Variants in CCSER1 observed in about 807,000 individuals in gnomAD.
CCSER1 encodes the protein coiled-coil serine rich protein 1, also known as serine-rich coiled-coil domain-containing protein 1.
A neutral mutation model predicts 82.0 loss-of-function variants in CCSER1; 41 were observed. That is an observed-to-expected ratio of 0.50 (90% CI 0.39 to 0.65). The LOEUF (loss-of-function observed/expected upper bound fraction) is 0.65, where lower values mean the gene tolerates loss of function less well. Ranked by LOEUF, CCSER1 falls within the 30% of genes least tolerant of loss-of-function variation. The pLI is 0.00. For synonymous variants in CCSER1, 414 were observed against 383.9 expected (o/e 1.08, Z -0.92); for missense variants, 1,119 against 1,064.2 (o/e 1.05, Z -0.72).
At chr4:90,246,395 CAA>C (rs1721406836) in intron 1 of CCSER1, among the ~76,000 whole-genome samples, 1 of 152,070 alleles carries the variant, frequency 6.6e-6, no homozygotes, top group East Asian at 1.9e-4. Context: ...GACTAAAATA[CAA>C]AGTTTACTCA....
intron 6 of CCSER1, among the ~76,000 whole-genome samples, chr4:90,645,099 A>T (rs1004329572): frequency 1.3e-5 from 2 of 151,928 alleles, no homozygotes; most frequent in African/African-American, 4.8e-5. Context: ...AAAAAAAAGA[A>T]AAAAAGACAC....
At chr4:90,617,609 C>T (rs571876021) in intron 5 of CCSER1, among the ~76,000 whole-genome samples, 1 of 152,126 alleles carries the variant, frequency 6.6e-6, no homozygotes, top group Non-Finnish European at 1.5e-5. Context: ...TCAACAGAAA[C>T]CTAAAACATT....
chr4:91,229,603 A>T lies in CCSER1; in HGVS notation c.2217+143609A>T, dbSNP rs113397709. On this transcript the variant is annotated intron_variant, in intron 10 of 10. Coordinates refer to ENST00000509176, the MANE Select transcript of CCSER1 (RefSeq NM_001145065.2). The stretch of plus-strand genomic sequence containing the variant: ...ACCAACCCAAATGCCCATCAATGAT[A>T]GACTAGATAAAGAAAATGTGGCACA... 7.0e-3 allele frequency among the ~76,000 whole-genome samples: 1,067 copies of T among 152,252 alleles called. 11 individuals carry two copies. The highest frequency in any genetic ancestry group is 0.024 in the African/African-American group (1,011 of 41,562).
intron 5 of CCSER1, among the ~76,000 whole-genome samples, chr4:90,548,640 C>A (rs1382571551): frequency 6.6e-6 from 1 of 151,594 alleles, no homozygotes; most frequent in Non-Finnish European, 1.5e-5. Context: ...CTGGGAAACT[C>A]CTATTGGTAT....
chr4:90,158,994 G>A (rs544716518), intron 1 of CCSER1, among the ~76,000 whole-genome samples: 84 of 152,174 alleles, frequency 5.5e-4, no homozygotes, highest in African/African-American at 1.7e-3. Flanking sequence ...GCTGTAGACC[G>A]GCGCTGTTCC....
At chr4:91,198,864 T>C (rs1394876939) in intron 10 of CCSER1, among the ~76,000 whole-genome samples, 1 of 152,138 alleles carries the variant, frequency 6.6e-6, no homozygotes, top group Non-Finnish European at 1.5e-5. Context: ...CCAGAGATAA[T>C]GCTGATTTCA....
At chr4:91,102,746 C>G (rs1037759299) in intron 10 of CCSER1, among the ~76,000 whole-genome samples, 1 of 152,084 alleles carries the variant, frequency 6.6e-6, no homozygotes, top group Admixed American at 6.5e-5. Flanking sequence ...GTAATTATTT[C>G]TTGCTCTTTA....
chr4:90,572,724 T>C (rs939068295), intron 5 of CCSER1, among the ~76,000 whole-genome samples: 5 of 152,180 alleles, frequency 3.3e-5, no homozygotes, highest in Non-Finnish European at 5.9e-5. Flanking sequence ...TCCGTTCACA[T>C]GTTTTTCTTA....
intron 10 of CCSER1, among the ~76,000 whole-genome samples, chr4:91,435,087 A>AT (rs1346113842): frequency 2.6e-5 from 4 of 152,194 alleles, no homozygotes; most frequent in African/African-American, 7.2e-5. Context: ...GCAGCTGCAC[A>AT]TTTTCTTGTT....
intron 7 of CCSER1, among the ~76,000 whole-genome samples, chr4:90,762,879 C>T (rs904775672): frequency 3.3e-5 from 5 of 151,808 alleles, no homozygotes; most frequent in South Asian, 2.1e-4. Flanking sequence ...GTGGGTGGGT[C>T]CTAAATGCAA....
intron 9 of CCSER1, among the ~76,000 whole-genome samples, chr4:91,079,463 C>A (rs1268705192): frequency 6.6e-6 from 1 of 152,120 alleles, no homozygotes; most frequent in Non-Finnish European, 1.5e-5. Context: ...CCAGCCACTG[C>A]AAAAACATGC....
intron 4 of CCSER1, among the ~76,000 whole-genome samples, chr4:90,456,332 A>C (rs1278356474): frequency 1.3e-5 from 2 of 152,110 alleles, no homozygotes; most frequent in Non-Finnish European, 2.9e-5. Context: ...TGCTTATTCT[A>C]CCCGGTATTA....
At chr4:90,911,260 G>A (rs369412518) in intron 8 of CCSER1, 27 of 455,904 alleles carry the variant, frequency 5.9e-5, no homozygotes, top group South Asian at 2.0e-4. Flanking sequence ...GATAGCTCCC[G>A]AAAATTTTGT....
chr4:90,711,415 C>T (rs1740588510), intron 6 of CCSER1, among the ~76,000 whole-genome samples: 2 of 152,054 alleles, frequency 1.3e-5, no homozygotes, highest in South Asian at 2.1e-4. Flanking sequence ...TGCCAGTTTT[C>T]AAGAGGAATG....
chr4:90,229,781 C>T (rs1008551108), intron 1 of CCSER1, among the ~76,000 whole-genome samples: 5 of 151,886 alleles, frequency 3.3e-5, no homozygotes, highest in Admixed American at 1.3e-4. Context: ...GGAAGATCTA[C>T]GAAGCAAATG....
At position 90,527,201 on chromosome 4, in the gene CCSER1, T is replaced by G. The variant is rs916425877; in HGVS notation, c.1724+58847T>G. On this transcript the variant is annotated intron_variant, in intron 5 of 10. Coordinates refer to ENST00000509176, the MANE Select transcript of CCSER1 (RefSeq NM_001145065.2). Reference sequence around the variant, plus strand: ...AGAAAATTTTTGCAATCTATCCATCTGACAAAGGGCTAATATCCAGAATCT... The same window carrying G: ...AGAAAATTTTTGCAATCTATCCATCGGACAAAGGGCTAATATCCAGAATCT... Among the ~76,000 whole-genome samples the G allele has an allele frequency of 2.6e-5, 4 of 152,286 alleles. No individual in the cohort carries two copies. The East Asian group carries it at 7.7e-4, about 29-fold the overall frequency.
intron 7 of CCSER1, among the ~76,000 whole-genome samples, chr4:90,757,933 CTTTTTTTTTTT>C (rs200053849): frequency 1.5e-5 from 2 of 136,490 alleles, no homozygotes. Flanking sequence ...GTTTCCTTTT[CTTTTTTTTTTT>C]TTTTTTCTTT....
intron 4 of CCSER1, among the ~76,000 whole-genome samples, chr4:90,404,978 T>A (rs1057298989): frequency 2.0e-5 from 3 of 152,014 alleles, no homozygotes; most frequent in African/African-American, 7.2e-5. Flanking sequence ...CAAAAGACCA[T>A]ACCAGCTCAC....
At chr4:91,402,208 T>G (rs1053128535) in intron 10 of CCSER1, among the ~76,000 whole-genome samples, 10 of 152,246 alleles carry the variant, frequency 6.6e-5, no homozygotes. Context: ...TTGAGAAGTG[T>G]CTGTTCATAT....
Sources: gnomAD v4.1 joint callset for allele counts (sites outside exome capture counted in the v4.1 genomes callset) on GRCh38, gnomAD v4.1.1 for gene constraint, MANE v1.5 for transcripts, NCBI Gene and HGNC (gene_info 2026-07-23, HGNC 2026-07-21) for gene names.